RALYL: variants seen among roughly 807,000 people sequenced by gnomAD.
The protein encoded by RALYL is RALY RNA binding protein like, also known as RNA-binding Raly-like protein.
A neutral mutation model predicts 35.1 loss-of-function variants in RALYL; 29 were observed. The ratio of observed to expected loss-of-function variants is 0.83; its 90% confidence interval spans 0.61 to 1.13. The LOEUF (loss-of-function observed/expected upper bound fraction) is 1.13. Among genes scored for constraint, RALYL ranks in the 50% most tolerant of loss-of-function variants. The pLI is 0.00. For synonymous variants in RALYL, 120 were observed against 127.6 expected (o/e 0.94, Z 0.40); for missense variants, 359 against 360.4 (o/e 1.00, Z 0.03).
rs150242279 is a variant in RALYL, at chr8:84,694,032, G to T, written c.257-80547G>T. 7.3e-3 allele frequency among the ~76,000 whole-genome samples: 1,113 copies of T among 151,894 alleles called. 12 individuals are homozygous for T. The highest frequency in any genetic ancestry group is 0.025 in the African/African-American group (1,043 of 41,492). On this transcript the variant is annotated intron_variant, in intron 2 of 8. Transcript: ENST00000521268. ...AACATTTAACCAATGGTGGAAAGTT[G>T]AAAGTTCTTCTATGATTAGGAACAA...
At chr8:84,780,461 C>A (rs967486061) in intron 3 of RALYL, among the ~76,000 whole-genome samples, 1 of 152,214 alleles carries the variant, frequency 6.6e-6, no homozygotes, top group African/African-American at 2.4e-5. Flanking sequence ...AATATCCATA[C>A]ATCTGGGTAA....
chr8:84,770,467 C>T (rs971128826), intron 2 of RALYL, among the ~76,000 whole-genome samples: 2 of 151,808 alleles, frequency 1.3e-5, no homozygotes, highest in African/African-American at 2.4e-5. Flanking sequence ...CCTTTGGGCT[C>T]GTTCCATATT....
chr8:84,900,403 G>A (rs1386020959), intron 8 of RALYL, among the ~76,000 whole-genome samples: 1 of 152,100 alleles, frequency 6.6e-6, no homozygotes, highest in Non-Finnish European at 1.5e-5. Flanking sequence ...CCGGCTGGGT[G>A]CGGTGGCTCA....
At chr8:84,405,651 T>G (rs1346693840) in intron 1 of RALYL, among the ~76,000 whole-genome samples, 1 of 151,910 alleles carries the variant, frequency 6.6e-6, no homozygotes, top group Non-Finnish European at 1.5e-5. Context: ...CTCTCAAGAG[T>G]TACAGTTTTA....
chr8:84,267,779 T>C (rs1833611481), intron 1 of RALYL, among the ~76,000 whole-genome samples: 1 of 152,218 alleles, frequency 6.6e-6, no homozygotes, highest in Non-Finnish European at 1.5e-5. Context: ...TTGATTGGTC[T>C]AAAATAGTTT....
chr8:84,682,281 G>T (rs1204918645), intron 2 of RALYL, among the ~76,000 whole-genome samples: 2 of 152,126 alleles, frequency 1.3e-5, no homozygotes, highest in Admixed American at 1.3e-4. Context: ...TGTTCATCAG[G>T]GTTATTGGTC....
chr8:84,681,461 A>G (rs1214908377), intron 2 of RALYL, among the ~76,000 whole-genome samples: 1 of 151,190 alleles, frequency 6.6e-6, no homozygotes, highest in African/African-American at 2.4e-5. Flanking sequence ...TTTTCACTGT[A>G]TTCCTATCCA....
chr8:84,486,899 T>C (rs2054688420), intron 1 of RALYL, among the ~76,000 whole-genome samples: 1 of 152,078 alleles, frequency 6.6e-6, no homozygotes, highest in African/African-American at 2.4e-5. Flanking sequence ...ATAGGAATAA[T>C]GTTGTACAGT....
chr8:84,544,263 A>AAT (rs1202046622), intron 2 of RALYL, among the ~76,000 whole-genome samples: 1 of 152,000 alleles, frequency 6.6e-6, no homozygotes, highest in East Asian at 1.9e-4. Flanking sequence ...TCAAATTAAA[A>AAT]ATATATATAT....
chr8:84,821,836 A>G (rs1392727534), intron 4 of RALYL, among the ~76,000 whole-genome samples: 1 of 152,202 alleles, frequency 6.6e-6, no homozygotes, highest in Admixed American at 6.5e-5. Flanking sequence ...AAATGCATTG[A>G]GTGGCTATAT....
chr8:84,248,478 C>T (rs1188020956), intron 1 of RALYL, among the ~76,000 whole-genome samples: 1 of 152,072 alleles, frequency 6.6e-6, no homozygotes, highest in Non-Finnish European at 1.5e-5. Flanking sequence ...AATGATTGTT[C>T]TAATATTGTT....
chr8:84,501,446 T>C (rs987875659), intron 1 of RALYL, among the ~76,000 whole-genome samples: 3 of 152,086 alleles, frequency 2.0e-5, no homozygotes, highest in African/African-American at 7.2e-5. Context: ...TAATTCTCTA[T>C]AAAACTGAAA....
At chr8:84,782,436 A>G (rs1256172302) in intron 3 of RALYL, among the ~76,000 whole-genome samples, 1 of 152,228 alleles carries the variant, frequency 6.6e-6, no homozygotes, top group Non-Finnish European at 1.5e-5. Flanking sequence ...TAGTAAACCA[A>G]GCATGGGATA....
At chr8:84,607,738 G>A (rs1817457553) in intron 2 of RALYL, among the ~76,000 whole-genome samples, 1 of 152,028 alleles carries the variant, frequency 6.6e-6, no homozygotes, top group South Asian at 2.1e-4. Flanking sequence ...TACCAATGAG[G>A]AACCTATTGT....
At chr8:84,746,672 C>T (rs772276367) in intron 2 of RALYL, among the ~76,000 whole-genome samples, 1 of 151,900 alleles carries the variant, frequency 6.6e-6, no homozygotes, top group Non-Finnish European at 1.5e-5. Flanking sequence ...AAATGTTCCA[C>T]TATTCCCCTA....
At chr8:84,410,113 C>G (rs568229052) in intron 1 of RALYL, among the ~76,000 whole-genome samples, 1 of 151,970 alleles carries the variant, frequency 6.6e-6, no homozygotes, top group South Asian at 2.1e-4. Context: ...GCTTACATGT[C>G]AGATGTAGGT....
chr8:84,714,812 G>A lies in RALYL; in HGVS notation c.257-59767G>A, dbSNP rs555356198. Among the ~76,000 whole-genome samples the A allele has an allele frequency of 6.6e-5, 10 of 151,980 alleles. No homozygotes were observed. The South Asian group carries it at 2.1e-3, about 31-fold the overall frequency. ...GTGGGCAAGAAAAGGGGAGAGGTGG[G>A]TATAATAAGCCATTATGCCAGCACA... On this transcript the variant is annotated intron_variant, in intron 2 of 8. Transcript: ENST00000521268.
At chr8:84,573,166 AT>A (rs763207255) in intron 2 of RALYL, among the ~76,000 whole-genome samples, 23 of 151,428 alleles carry the variant, frequency 1.5e-4, no homozygotes, top group African/African-American at 5.3e-4. Flanking sequence ...AATTTAAAAA[AT>A]TTTTTATTCA....
chr8:84,888,191 C>A (rs1271347489), intron 8 of RALYL, among the ~76,000 whole-genome samples: 17 of 152,126 alleles, frequency 1.1e-4, no homozygotes. Flanking sequence ...ATTTGTATGG[C>A]CAACAGTCTT....
Sources: gnomAD v4.1 joint callset for allele counts (sites outside exome capture counted in the v4.1 genomes callset) on GRCh38, gnomAD v4.1.1 for gene constraint, MANE v1.5 for transcripts, NCBI Gene and HGNC (gene_info 2026-07-23, HGNC 2026-07-21) for gene names.